LANCL3: variants seen among roughly 807,000 people sequenced by gnomAD.
The protein encoded by LANCL3 is LanC like family member 3, also known as lanC-like protein 3.
Under a neutral mutation model 26.5 loss-of-function variants are expected in LANCL3, and 19 were observed. That is an observed-to-expected ratio of 0.72 (90% confidence interval 0.50 to 1.05). LANCL3 has a LOEUF of 1.05. Ranked by LOEUF, LANCL3 falls within the 50% of genes least tolerant of loss-of-function variation. The probability of loss-of-function intolerance (pLI) is 0.00; values close to 1 mark genes in which losing one functional copy is unlikely to be tolerated. For missense variants in LANCL3, 318 were observed against 362.7 expected (o/e 0.88, Z 1.00); for synonymous variants, 160 against 166.6 (o/e 0.96, Z 0.30).
At chrX:37,632,817 A>C (rs1925568913) in intron 1 of LANCL3, among the ~76,000 whole-genome samples, 1 of 112,183 alleles carries the variant, frequency 8.9e-6, no homozygotes, top group African/African-American at 3.2e-5. Context: ...TTCTGCCAAG[A>C]GATCAGCTGT....
At chrX:37,665,709 A>G (rs1556433789) in intron 3 of LANCL3, among the ~76,000 whole-genome samples, 1 of 111,936 alleles carries the variant, frequency 8.9e-6, no homozygotes, top group African/African-American at 3.2e-5. Flanking sequence ...CCATAGCAAA[A>G]TGAAAATGCA....
At chrX:37,598,725 A>G (rs971039957) in intron 1 of LANCL3, among the ~76,000 whole-genome samples, 20 of 112,550 alleles carry the variant, frequency 1.8e-4, no homozygotes, top group African/African-American at 6.4e-5. Context: ...TCGGACTTCT[A>G]CAGTCCTGAA....
intron 1 of LANCL3, among the ~76,000 whole-genome samples, chrX:37,624,862 A>G (rs1242913397): frequency 7.1e-5 from 8 of 111,923 alleles, no homozygotes; most frequent in African/African-American, 2.6e-4. Flanking sequence ...CAGGGAGTCA[A>G]CACTGCTCCT....
At chrX:37,610,566 G>A (rs1556421036) in intron 1 of LANCL3, among the ~76,000 whole-genome samples, 1 of 111,387 alleles carries the variant, frequency 9.0e-6, no homozygotes, top group East Asian at 2.8e-4. Context: ...CTCCCTCTGT[G>A]CCCGTAGATA....
chrX:37,579,334 A>T (rs1923835581), intron 1 of LANCL3, among the ~76,000 whole-genome samples: 1 of 111,550 alleles, frequency 9.0e-6, no homozygotes, highest in Non-Finnish European at 1.9e-5. Context: ...CGTATCTGCC[A>T]GGGATATGTT....
rs781939823 is a variant in LANCL3, at chrX:37,584,233, A to G, written c.573+11790A>G. Among the ~76,000 whole-genome samples, 17 of 110,047 alleles carry G rather than the reference A, an allele frequency of 1.5e-4. No individual in the cohort carries two copies. The East Asian group carries it at 4.5e-3, about 29-fold the overall frequency. On this transcript the variant is annotated intron_variant, in intron 1 of 4. Transcript: ENST00000378619. ...GATTCGGTTTGCCAGCATTTTTTTG[A>G]GGATTTTTGCCTCGATGTTCATCAG... is the stretch of plus-strand genomic sequence containing the variant.
intron 1 of LANCL3, among the ~76,000 whole-genome samples, chrX:37,580,211 T>C (rs1298479271): frequency 9.0e-6 from 1 of 111,682 alleles, no homozygotes; most frequent in Non-Finnish European, 1.9e-5. Flanking sequence ...ATTACAGATC[T>C]ACCAGGAAGC....
intron 1 of LANCL3, among the ~76,000 whole-genome samples, chrX:37,628,366 G>A (rs1925374641): frequency 9.0e-6 from 1 of 110,982 alleles, no homozygotes; most frequent in East Asian, 2.8e-4. Flanking sequence ...GAAAGAGAAA[G>A]GCTCAGAACT....
At chrX:37,626,618 C>T (rs1213129267) in intron 1 of LANCL3, among the ~76,000 whole-genome samples, 2 of 111,938 alleles carry the variant, frequency 1.8e-5, no homozygotes, top group African/African-American at 6.5e-5. Flanking sequence ...ATTTTGACTG[C>T]TTTATAGGCT....
In LANCL3 at chrX:37,668,266, T is replaced by TATATATATATCCTAGTTATATATATAA. The variant is rs1465227418; in HGVS notation, c.1103+800_1103+826dup. On this transcript the variant is annotated intron_variant, in intron 4 of 4. Coordinates refer to ENST00000378619, the MANE Select transcript of LANCL3 (RefSeq NM_001170331.2). Reference sequence around the variant, plus strand: ...AAATGAAATTGCTGGACTATATATATATATATATATCCTAGTTATATATAT... The same window carrying TATATATATATCCTAGTTATATATATAA: ...AAATGAAATTGCTGGACTATATATATATATATATATCCTAGTTATATATATAAATATATATATCCTAGTTATATATAT... 161 of 156,269 alleles carry TATATATATATCCTAGTTATATATATAA rather than the reference T, an allele frequency of 1.0e-3. 1 individual carries two copies. Among genetic ancestry groups the TATATATATATCCTAGTTATATATATAA allele is most frequent in the African/African-American group, 1.8e-3 (53 of 29,932 alleles). 12.9% of individuals were successfully genotyped at this position (156,269 alleles called of 1,213,427 possible).
intron 1 of LANCL3, among the ~76,000 whole-genome samples, chrX:37,630,324 T>C (rs1200797340): frequency 1.8e-5 from 2 of 112,036 alleles, no homozygotes; most frequent in Admixed American, 9.5e-5. Flanking sequence ...TTGCTAAAGT[T>C]GCTTATCAGC....
At chrX:37,670,654 C>T (rs1367085570) in intron 4 of LANCL3, among the ~76,000 whole-genome samples, 1 of 110,549 alleles carries the variant, frequency 9.0e-6, no homozygotes, top group African/African-American at 3.3e-5. Flanking sequence ...CCCCATATTC[C>T]ACCTATCATT....
At chrX:37,630,911 T>G (rs1166487350) in intron 1 of LANCL3, among the ~76,000 whole-genome samples, 1 of 111,526 alleles carries the variant, frequency 9.0e-6, no homozygotes, top group South Asian at 3.8e-4. Flanking sequence ...TCTAAAATTC[T>G]CTTTTTTGGT....
chrX:37,605,961 A>T (rs1416869442), intron 1 of LANCL3, among the ~76,000 whole-genome samples: 1 of 111,479 alleles, frequency 9.0e-6, no homozygotes, highest in Non-Finnish European at 1.9e-5. Context: ...GGAGATCCCC[A>T]AGACCACCCC....
intron 1 of LANCL3, among the ~76,000 whole-genome samples, chrX:37,586,285 T>C (rs1197894536): frequency 9.0e-6 from 1 of 111,239 alleles, no homozygotes; most frequent in African/African-American, 3.3e-5. Flanking sequence ...TTGGAGTTGC[T>C]GTTCTTGAGG....
At chrX:37,664,496 TTTTG>T (rs1352425130) in intron 3 of LANCL3, among the ~76,000 whole-genome samples, 1 of 111,954 alleles carries the variant, frequency 8.9e-6, no homozygotes, top group African/African-American at 3.2e-5. Flanking sequence ...GAGAAGCTTT[TTTTG>T]TTTCTTTTTT....
intron 4 of LANCL3, among the ~76,000 whole-genome samples, chrX:37,669,868 G>A (rs1926638772): frequency 8.9e-6 from 1 of 111,993 alleles, no homozygotes; most frequent in Non-Finnish European, 1.9e-5. Context: ...CAAAGTGCTG[G>A]GATTACAGGT....
At chrX:37,673,461 T>C (rs1926728007) in intron 4 of LANCL3, among the ~76,000 whole-genome samples, 1 of 111,264 alleles carries the variant, frequency 9.0e-6, no homozygotes, top group African/African-American at 3.3e-5. Context: ...AATCAATGGG[T>C]TTTGATATGA....
At chrX:37,582,357 C>T (rs1923923374) in intron 1 of LANCL3, among the ~76,000 whole-genome samples, 1 of 112,058 alleles carries the variant, frequency 8.9e-6, no homozygotes, top group African/African-American at 3.2e-5. Flanking sequence ...GGAATCGCCA[C>T]ACTGTCTTCC....
Sources: allele counts gnomAD v4.1 joint callset (sites outside exome capture counted in the v4.1 genomes callset), GRCh38; gene constraint gnomAD v4.1.1; transcripts MANE v1.5; gene names NCBI Gene and HGNC (gene_info 2026-07-23, HGNC 2026-07-21).